Variants in DENND2A observed in about 807,000 individuals in gnomAD.
DENND2A encodes DENN domain containing 2A, also known as DENN domain-containing protein 2A.
Under a neutral mutation model 105.3 loss-of-function variants are expected in DENND2A, and 53 were observed. The ratio of observed to expected loss-of-function variants is 0.50; its 90% CI spans 0.40 to 0.63. The LOEUF is 0.63. Among genes scored for constraint, DENND2A ranks in the 30% least tolerant of loss-of-function variants. The probability of loss-of-function intolerance (pLI) is 0.00; values close to 1 mark genes in which losing one functional copy is unlikely to be tolerated. For missense variants in DENND2A, 1,138 were observed against 1,279.6 expected (o/e 0.89, Z 1.69); for synonymous variants, 522 against 508.4 (o/e 1.03, Z -0.36).
At chr7:140,630,050 G>A (rs905201526) in intron 1 of DENND2A, among the ~76,000 whole-genome samples, 2 of 151,640 alleles carry the variant, frequency 1.3e-5, no homozygotes, top group African/African-American at 2.4e-5. Flanking sequence ...TAGTGGAGAC[G>A]GGGTTTCACC....
chr7:140,596,397 G>A (rs573897619), intron 3 of DENND2A, among the ~76,000 whole-genome samples: 3 of 152,302 alleles, frequency 2.0e-5, no homozygotes, highest in East Asian at 1.9e-4. Flanking sequence ...TGGTAATTCC[G>A]AGTTGTCTCA....
intron 3 of DENND2A, among the ~76,000 whole-genome samples, chr7:140,599,450 A>G (rs1216303257): frequency 6.6e-6 from 1 of 152,160 alleles, no homozygotes; most frequent in East Asian, 1.9e-4. Flanking sequence ...CTTCACACAT[A>G]TTGAACAGGC....
intron 14 of DENND2A, among the ~76,000 whole-genome samples, chr7:140,528,189 C>G (rs748138916): frequency 3.9e-5 from 6 of 152,214 alleles, no homozygotes; most frequent in Non-Finnish European, 7.4e-5. Flanking sequence ...CTCCCTGCCC[C>G]CTACACAAAC....
At chr7:140,593,981 C>T (rs568483766) in intron 3 of DENND2A, among the ~76,000 whole-genome samples, 52 of 151,962 alleles carry the variant, frequency 3.4e-4, no homozygotes, top group African/African-American at 1.2e-3. Context: ...TCTAGGCTTA[C>T]TGCAACCTCT....
intron 12 of DENND2A, among the ~76,000 whole-genome samples, chr7:140,548,074 T>G (rs1304078171): frequency 4.6e-5 from 7 of 152,136 alleles, no homozygotes; most frequent in African/African-American, 1.7e-4. Context: ...TGAAAGCCAC[T>G]GAACTGTATA....
At chr7:140,569,402 G>A (rs945839743) in intron 7 of DENND2A, among the ~76,000 whole-genome samples, 2 of 152,248 alleles carry the variant, frequency 1.3e-5, no homozygotes, top group Admixed American at 1.3e-4. Flanking sequence ...CCCACAGTCA[G>A]GCCAGGGCCT....
chr7:140,557,531 ATTTTTTTT>A (rs1156756617), intron 11 of DENND2A, among the ~76,000 whole-genome samples: 10 of 39,650 alleles, frequency 2.5e-4, no homozygotes, highest in African/African-American at 6.6e-4. Flanking sequence ...ATATATATAT[ATTTTTTTT>A]TTTTTTTTTT....
intron 14 of DENND2A, among the ~76,000 whole-genome samples, chr7:140,539,246 C>G (rs750047797): frequency 2.0e-5 from 3 of 152,194 alleles, no homozygotes; most frequent in African/African-American, 7.2e-5. Context: ...TCCCATAAAT[C>G]AGACAGATCG....
At chr7:140,639,353 A>AAAAAAT (rs1266226495) in intron 1 of DENND2A, among the ~76,000 whole-genome samples, 1 of 151,962 alleles carries the variant, frequency 6.6e-6, no homozygotes, top group African/African-American at 2.4e-5. Flanking sequence ...CTCTGTCTCA[A>AAAAAAT]AAAAATAAAA....
chr7:140,560,497 C>T (rs1418040654), intron 9 of DENND2A, among the ~76,000 whole-genome samples: 2 of 152,054 alleles, frequency 1.3e-5, no homozygotes, highest in African/African-American at 4.8e-5. Context: ...CAGTATCTGA[C>T]ATATCAAAGA....
At chr7:140,581,493 C>A (rs558857665) in intron 5 of DENND2A, among the ~76,000 whole-genome samples, 4 of 152,196 alleles carry the variant, frequency 2.6e-5, no homozygotes, top group South Asian at 2.1e-4. Flanking sequence ...GGCTGAGGAT[C>A]TCTCCGCAGC....
At chr7:140,567,294 GAAAGAGAGAA>G (rs1563146513) in intron 8 of DENND2A, 21 bp from the exon 9 acceptor site, 5 of 1,163,718 alleles carry the variant, frequency 4.3e-6, no homozygotes, top group Admixed American at 5.1e-5. Flanking sequence ...GAGGGAGAGA[GAAAGAGAGAA>G]AGAGAGAGAG....
chr7:140,587,912 A>G (rs1798855397), intron 3 of DENND2A, 132 bp from the exon 4 acceptor site: 1 of 1,075,922 alleles, frequency 9.3e-7, no homozygotes, highest in East Asian at 3.0e-5. Context: ...ATCAACTTTT[A>G]TTTTATTTCA....
In DENND2A at chr7:140,527,770, C is replaced by T. The variant is rs538226071; in HGVS notation, c.2328-275G>A. On this transcript the variant is annotated intron_variant, in intron 14 of 19. Coordinates refer to ENST00000496613, the MANE Select transcript of DENND2A (RefSeq NM_015689.5). The surrounding 1 kb of genome is among the most constrained non-coding windows in gnomAD (Gnocchi z 4.9). Reference sequence around the variant, plus strand: ...GTGAGCTGCACGCCCTGCACTCTCCCGCCCTGACCTTTTTTTGTGATCTAT... The same window carrying T: ...GTGAGCTGCACGCCCTGCACTCTCCTGCCCTGACCTTTTTTTGTGATCTAT... 5.1e-4 allele frequency among the ~76,000 whole-genome samples: 78 copies of T among 152,206 alleles called. 1 individual carries two copies. Among genetic ancestry groups the T allele is most frequent in the African/African-American group, 1.8e-3 (75 of 41,534 alleles).
chr7:140,620,244 A>G (rs1482003077), intron 1 of DENND2A, among the ~76,000 whole-genome samples: 1 of 151,594 alleles, frequency 6.6e-6, no homozygotes, highest in Non-Finnish European at 1.5e-5. Context: ...AAGAAAAAAG[A>G]AGACTATTAT....
chr7:140,529,916 C>T (rs1796198817), intron 14 of DENND2A, among the ~76,000 whole-genome samples: 1 of 152,120 alleles, frequency 6.6e-6, no homozygotes, highest in Non-Finnish European at 1.5e-5. Flanking sequence ...ACGCTGTGCA[C>T]ATGTACCCTA....
At chr7:140,542,583 T>G (rs1796710732) in intron 14 of DENND2A, among the ~76,000 whole-genome samples, 1 of 146,370 alleles carries the variant, frequency 6.8e-6, no homozygotes, top group Non-Finnish European at 1.5e-5. Flanking sequence ...TTTTTTTTTT[T>G]TTTTGAGTTT....
intron 5 of DENND2A, among the ~76,000 whole-genome samples, chr7:140,579,760 G>A (rs942783923): frequency 6.6e-5 from 10 of 152,154 alleles, no homozygotes; most frequent in African/African-American, 2.4e-4. Context: ...AAACCAAAGT[G>A]TTAGCAGTGA....
Position 140,601,946 on chromosome 7 carries a change from C to T in DENND2A, c.452G>A (p.Arg151His), listed in dbSNP as rs201292153. ...RGREPRLGKL[R>H]FQNDPLSVLK... ...CACGGAGAGGGGATCGTTCTGAAAG[C>T]GTAGCTTGCCAAGTCTTGGCTCTCG... Residue 151 changes from arginine to histidine, a missense_variant, in exon 3 of 20, where the codon CGC becomes CAC. Coordinates refer to ENST00000496613, the MANE Select transcript of DENND2A (RefSeq NM_015689.5). 2.6e-5 allele frequency: 42 copies of T among 1,614,070 alleles called. No individual in the cohort carries two copies. Among genetic ancestry groups the T allele is most frequent in the African/African-American group, 1.3e-5 (1 of 74,936 alleles).
Sources: gnomAD v4.1 joint callset for allele counts (sites outside exome capture counted in the v4.1 genomes callset) on GRCh38, gnomAD v4.1.1 for gene constraint, Gnocchi (gnomAD v3.1) non-coding constraint, MANE v1.5 for transcripts, NCBI Gene and HGNC (gene_info 2026-07-23, HGNC 2026-07-21) for gene names.